The following GRM5 variants were observed in gnomAD, a reference collection of about 807,000 sequenced individuals.
GRM5 encodes the protein glutamate metabotropic receptor 5.
Under a neutral mutation model 83.1 loss-of-function variants are expected in GRM5, and 19 were observed. The ratio of observed to expected loss-of-function variants is 0.23; its 90% CI spans 0.16 to 0.34. The LOEUF (loss-of-function observed/expected upper bound fraction) is 0.34, where lower values mean the gene tolerates loss of function less well. Among genes scored for constraint, GRM5 ranks in the 10% least tolerant of loss-of-function variants. GRM5 has a pLI of 1.00. For missense variants in GRM5, 1,160 were observed against 1,588.3 expected (o/e 0.73, Z 4.58); for synonymous variants, 675 against 633.6 (o/e 1.07, Z -0.98).
At chr11:88,526,179 T>G (rs935354870) in intron 8 of GRM5, among the ~76,000 whole-genome samples, 9 of 152,174 alleles carry the variant, frequency 5.9e-5, no homozygotes, top group African/African-American at 2.2e-4. Flanking sequence ...GTATTATAAT[T>G]GGCAGTTCAC....
chr11:88,847,012 A>C (rs377523482), intron 3 of GRM5, among the ~76,000 whole-genome samples: 2 of 152,342 alleles, frequency 1.3e-5, no homozygotes, highest in African/African-American at 4.8e-5. Context: ...ACACTGGATT[A>C]TAAGTTATGG....
At chr11:89,036,691 C>A in intron 2 of GRM5, among the ~76,000 whole-genome samples, 1 of 34,448 alleles carries the variant, frequency 2.9e-5, no homozygotes, top group Non-Finnish European at 5.6e-5. Context: ...AGTCCCTCAA[C>A]TAGCAAGACT....
chr11:88,939,786 C>T (rs1489875528), intron 2 of GRM5, among the ~76,000 whole-genome samples: 1 of 151,636 alleles, frequency 6.6e-6, no homozygotes, highest in Non-Finnish European at 1.5e-5. Context: ...GAAAGAAGTA[C>T]CTGATGTCTA....
chr11:88,925,063 T>G (rs555669190), intron 2 of GRM5, among the ~76,000 whole-genome samples: 1 of 152,096 alleles, frequency 6.6e-6, no homozygotes, highest in African/African-American at 2.4e-5. Flanking sequence ...TTATTAAAAT[T>G]ATGTAGTTAT....
chr11:88,836,317 G>A (rs953965644), intron 3 of GRM5, among the ~76,000 whole-genome samples: 2 of 152,124 alleles, frequency 1.3e-5, no homozygotes, highest in Admixed American at 6.5e-5. Context: ...TGAAACTATC[G>A]TACAAAAATA....
chr11:88,557,603 T>G (rs1160306416), intron 8 of GRM5, among the ~76,000 whole-genome samples: 1 of 152,186 alleles, frequency 6.6e-6, no homozygotes, highest in Admixed American at 6.5e-5. Context: ...GCCCCTTCCC[T>G]GTCAGCTTCA....
intron 3 of GRM5, among the ~76,000 whole-genome samples, chr11:88,774,808 G>T (rs894331379): frequency 1.3e-5 from 2 of 152,174 alleles, no homozygotes; most frequent in Non-Finnish European, 2.9e-5. Flanking sequence ...CTTGATCGTG[G>T]TGGATAAGCT....
chr11:88,707,168 C>T (rs747481063), intron 3 of GRM5, among the ~76,000 whole-genome samples: 5 of 151,998 alleles, frequency 3.3e-5, no homozygotes, highest in Non-Finnish European at 5.9e-5. Flanking sequence ...CTCCCATTAG[C>T]TGTGTGATCT....
chr11:88,659,091 T>G (rs1344582485), intron 3 of GRM5, among the ~76,000 whole-genome samples: 2 of 152,170 alleles, frequency 1.3e-5, no homozygotes, highest in African/African-American at 2.4e-5. Flanking sequence ...GGAGTGGCAG[T>G]AAGAATGAAG....
At chr11:88,995,226 CA>C (rs1940141552) in intron 2 of GRM5, among the ~76,000 whole-genome samples, 2 of 152,106 alleles carry the variant, frequency 1.3e-5, no homozygotes, top group Admixed American at 6.5e-5. Context: ...ATTGGTTGTA[CA>C]GAGCAAAAGT....
chr11:88,726,847 G>A (rs1034188022), intron 3 of GRM5, among the ~76,000 whole-genome samples: 24 of 152,136 alleles, frequency 1.6e-4, no homozygotes, highest in African/African-American at 5.3e-4. Context: ...GCTGAGAGAT[G>A]TTGTCATCAC....
intron 2 of GRM5, among the ~76,000 whole-genome samples, chr11:88,950,768 A>T (rs1938434338): frequency 6.6e-6 from 1 of 152,182 alleles, no homozygotes; most frequent in South Asian, 2.1e-4. Flanking sequence ...GCTACCCAAA[A>T]AGCTATTTTG....
chr11:88,547,403 A>C lies in GRM5; in HGVS notation c.2630+19650T>G, dbSNP rs373290839. Reference sequence around the variant, plus strand: ...CAAAGAAGAGAACAAAAGTAGACAGAACTCAAGGACCACAGATTGACCTTA... The same window carrying C: ...CAAAGAAGAGAACAAAAGTAGACAGCACTCAAGGACCACAGATTGACCTTA... On this transcript the variant is annotated intron_variant, in intron 8 of 9. Coordinates refer to ENST00000305447, the MANE Select transcript of GRM5 (RefSeq NM_001143831.3). Among the ~76,000 whole-genome samples the C allele has an allele frequency of 1.5e-4, 23 of 152,266 alleles. No homozygotes were observed. The East Asian group carries it at 3.1e-3, about 20-fold the overall frequency.
At chr11:88,931,434 C>A (rs1194406844) in intron 2 of GRM5, among the ~76,000 whole-genome samples, 1 of 26,952 alleles carries the variant, frequency 3.7e-5, no homozygotes. Flanking sequence ...ATTGAAAGAA[C>A]CAAAGTAAAA....
chr11:88,604,047 T>G (rs1011879836), intron 5 of GRM5, among the ~76,000 whole-genome samples: 2 of 152,204 alleles, frequency 1.3e-5, no homozygotes, highest in Non-Finnish European at 2.9e-5. Context: ...TAAATGACTA[T>G]GTAGAGTCAT....
At chr11:89,003,210 G>C (rs1360404667) in intron 2 of GRM5, among the ~76,000 whole-genome samples, 1 of 152,112 alleles carries the variant, frequency 6.6e-6, no homozygotes. Context: ...GCTCTCACAG[G>C]TCTCACTGTG....
chr11:88,985,424 T>G (rs1484111281), intron 2 of GRM5, among the ~76,000 whole-genome samples: 1 of 152,084 alleles, frequency 6.6e-6, no homozygotes, highest in Non-Finnish European at 1.5e-5. Context: ...GCAATCAAGA[T>G]AACTAAAGGC....
intron 2 of GRM5, among the ~76,000 whole-genome samples, chr11:88,990,010 T>A (rs1191507122): frequency 6.6e-6 from 1 of 151,396 alleles, no homozygotes; most frequent in Non-Finnish European, 1.5e-5. Context: ...ATAATTAAAA[T>A]CAGAGCAGAA....
At position 88,889,298 on chromosome 11, in the gene GRM5, G is replaced by T. The variant is rs146522537; in HGVS notation, c.662-39143C>A. ...TTAGAGTCTAAACTGTAAACCAGGT[G>T]CCTCCCAAAGTTGGTTCAGCCTACA... On this transcript the variant is annotated intron_variant, in intron 2 of 9. Coordinates refer to ENST00000305447, the MANE Select transcript of GRM5 (RefSeq NM_001143831.3). Among the ~76,000 whole-genome samples the T allele has an allele frequency of 4.0e-3, 607 of 152,036 alleles. 2 individuals are homozygous for T. The highest frequency in any genetic ancestry group is 0.014 in the African/African-American group (572 of 41,458).
Sources: gnomAD v4.1 joint callset for allele counts (sites outside exome capture counted in the v4.1 genomes callset) on GRCh38, gnomAD v4.1.1 for gene constraint, MANE v1.5 for transcripts, NCBI Gene and HGNC (gene_info 2026-07-23, HGNC 2026-07-21) for gene names.